The following CCL17 variants were observed in gnomAD, a reference collection of about 807,000 sequenced individuals.
CCL17 encodes the protein C-C motif chemokine ligand 17, also known as C-C motif chemokine 17.
Under a neutral mutation model 7.4 loss-of-function variants are expected in CCL17, and 8 were observed. The observed-to-expected ratio is 1.09, with a 90% confidence interval of 0.64 to 1.96. The LOEUF is 1.96. Among genes scored for constraint, CCL17 ranks in the 30% most tolerant of loss-of-function variants. The pLI, the probability that CCL17 is intolerant of heterozygous loss-of-function variation, is 0.00. For synonymous variants in CCL17, 40 were observed against 46.1 expected (o/e 0.87, Z 0.54); for missense variants, 102 against 113.0 (o/e 0.90, Z 0.44).
upstream of CCL17, among the ~76,000 whole-genome samples, chr16:57,403,539 TAA>T (rs1409465345): frequency 4.2e-4 from 14 of 33,240 alleles, no homozygotes; most frequent in Non-Finnish European, 5.7e-4. Context: ...ATATATATTA[TAA>T]ATATATATTT....
At chr16:57,400,117 T>C (rs1198082045), upstream of CCL17, among the ~76,000 whole-genome samples, 1 of 152,110 alleles carries the variant, frequency 6.6e-6, no homozygotes, top group Non-Finnish European at 1.5e-5. Context: ...CCCAGCACTT[T>C]GGGAGGCGGA....
intron 1 of CCL17, among the ~76,000 whole-genome samples, chr16:57,408,290 C>G (rs1206682676): frequency 2.0e-5 from 3 of 151,948 alleles, no homozygotes; most frequent in East Asian, 1.9e-4. Flanking sequence ...CATCACTCAC[C>G]CACACGTCCA....
the CCL17 span, among the ~76,000 whole-genome samples, chr16:57,396,689 C>T: frequency 6.6e-6 from 1 of 152,110 alleles, no homozygotes; most frequent in South Asian, 2.1e-4. Flanking sequence ...TTTGGAGGCT[C>T]TGAGAAGCGG....
chr16:57,401,852 G>A (rs1171612626), upstream of CCL17, among the ~76,000 whole-genome samples: 1 of 152,154 alleles, frequency 6.6e-6, no homozygotes, highest in Non-Finnish European at 1.5e-5. Context: ...GCCCCCCGGG[G>A]ACGTCACCTG....
In CCL17 at chr16:57,413,921, G is replaced by A. The variant is rs1902824644; in HGVS notation, c.-12G>A. On this transcript the variant is annotated 5_prime_UTR_variant, in exon 2 of 4. Coordinates refer to ENST00000219244, the MANE Select transcript of CCL17 (RefSeq NM_002987.3). ...CCTGCACACAGAGACTCCCTCCTGG[G>A]CTCCTGGCACCATGGCCCCACTGAA... 2 of 1,602,116 alleles carry A rather than the reference G, an allele frequency of 1.2e-6. No homozygotes were observed. The highest frequency in any genetic ancestry group is 8.5e-7 in the Non-Finnish European group (1 of 1,174,494).
chr16:57,402,914 T>G (rs2146529928), upstream of CCL17, among the ~76,000 whole-genome samples: 1 of 148,346 alleles, frequency 6.7e-6, no homozygotes, highest in East Asian at 2.0e-4. Flanking sequence ...CCATGCAACT[T>G]ACATCCCAGT....
At chr16:57,403,659 T>TTATAA, upstream of CCL17, among the ~76,000 whole-genome samples, 1 of 89,776 alleles carries the variant, frequency 1.1e-5, no homozygotes, top group African/African-American at 4.7e-5. Flanking sequence ...ATAATATATA[T>TTATAA]ATATATATAT....
intron 1 of CCL17, among the ~76,000 whole-genome samples, chr16:57,412,799 C>T (rs746098897): frequency 4.6e-5 from 7 of 152,142 alleles, no homozygotes; most frequent in African/African-American, 1.4e-4. Flanking sequence ...CTGTGGCTCC[C>T]GGGAGCCCCA....
At chr16:57,408,310 C>T (rs1168228705) in intron 1 of CCL17, among the ~76,000 whole-genome samples, 1 of 152,042 alleles carries the variant, frequency 6.6e-6, no homozygotes, top group African/African-American at 2.4e-5. Context: ...ATCCATCATC[C>T]ATCCTCCATC....
At chr16:57,401,524 GAA>G (rs148565902), upstream of CCL17, among the ~76,000 whole-genome samples, 36 of 124,056 alleles carry the variant, frequency 2.9e-4, no homozygotes, top group South Asian at 4.0e-3. Flanking sequence ...ACTCTGTCTG[GAA>G]AAAAAAAAAA....
intron 1 of CCL17, among the ~76,000 whole-genome samples, chr16:57,407,351 G>T (rs773016097): frequency 6.6e-6 from 1 of 152,166 alleles, no homozygotes; most frequent in Non-Finnish European, 1.5e-5. Flanking sequence ...TAAACTAGAT[G>T]GGGGAGGAGT....
upstream of CCL17, among the ~76,000 whole-genome samples, chr16:57,403,464 TTATATTATATATATTATATAATAA>T (rs1902634588): frequency 5.1e-4 from 1 of 1,954 alleles, no homozygotes; most frequent in African/African-American, 7.0e-4. Context: ...ATAATATATA[TTATATTATATATATTATATAATAA>T]TATATATATT....
At chr16:57,406,758 G>A (rs1173984206) in intron 1 of CCL17, among the ~76,000 whole-genome samples, 1 of 152,134 alleles carries the variant, frequency 6.6e-6, no homozygotes, top group African/African-American at 2.4e-5. Flanking sequence ...TACCATGAGG[G>A]AGTGTCTTAT....
the CCL17 span, among the ~76,000 whole-genome samples, chr16:57,397,247 G>A: frequency 6.6e-6 from 1 of 152,204 alleles, no homozygotes; most frequent in African/African-American, 2.4e-5. Flanking sequence ...ATGGTCCGGA[G>A]GAGATTTGGC....
intron 1 of CCL17, among the ~76,000 whole-genome samples, chr16:57,413,372 G>A (rs1350013052): frequency 6.6e-6 from 1 of 152,038 alleles, no homozygotes; most frequent in Non-Finnish European, 1.5e-5. Flanking sequence ...GGGTGGCCCT[G>A]GCAGCACCCT....
intron 1 of CCL17, among the ~76,000 whole-genome samples, chr16:57,411,148 G>A (rs76894007): frequency 2.5e-4 from 38 of 152,244 alleles, no homozygotes; most frequent in Non-Finnish European, 3.4e-4. Flanking sequence ...AGCCTTCCAC[G>A]AATTCTGGCC....
the CCL17 span, among the ~76,000 whole-genome samples, chr16:57,399,399 T>A: frequency 6.6e-6 from 1 of 152,352 alleles, no homozygotes; most frequent in East Asian, 1.9e-4. Context: ...GTCATTAGTT[T>A]ATTGCCAGAG....
upstream of CCL17, among the ~76,000 whole-genome samples, chr16:57,403,665 TA>T (rs1258699770): frequency 4.0e-3 from 371 of 92,134 alleles, 22 homozygotes; most frequent in African/African-American, 0.017. Context: ...TATATATATA[TA>T]TATTTTTTGA....
At chr16:57,400,358 C>CA (rs1167210431), upstream of CCL17, among the ~76,000 whole-genome samples, 17 of 146,486 alleles carry the variant, frequency 1.2e-4, no homozygotes, top group South Asian at 1.1e-3. Context: ...GACTCCGTCT[C>CA]AAAAAAAAAA....
Sources: allele counts gnomAD v4.1 joint callset (sites outside exome capture counted in the v4.1 genomes callset), GRCh38; gene constraint gnomAD v4.1.1; transcripts MANE v1.5; gene names NCBI Gene and HGNC (gene_info 2026-07-23, HGNC 2026-07-21).